SNX24: variants seen among roughly 807,000 people sequenced by gnomAD.
SNX24 encodes the protein sorting nexin 24.
In SNX24, 22 loss-of-function variants were observed where a neutral mutation model predicts 28.7. The observed-to-expected ratio is 0.77, with a 90% CI of 0.55 to 1.10. The LOEUF is 1.10. Among genes scored for constraint, SNX24 ranks in the 50% least tolerant of loss-of-function variants. The pLI, the probability that SNX24 is intolerant of heterozygous loss-of-function variation, is 0.00. For synonymous variants in SNX24, 69 were observed against 71.5 expected (o/e 0.96, Z 0.18); for missense variants, 221 against 201.1 (o/e 1.10, Z -0.60).
intron 1 of SNX24, among the ~76,000 whole-genome samples, chr5:122,925,022 C>G (rs1245591214): frequency 7.0e-6 from 1 of 142,152 alleles, no homozygotes; most frequent in African/African-American, 2.6e-5. Flanking sequence ...CCCTCCCCTT[C>G]TCCTTCTCTC....
At chr5:122,907,869 G>A (rs1757708357) in intron 1 of SNX24, among the ~76,000 whole-genome samples, 1 of 151,292 alleles carries the variant, frequency 6.6e-6, no homozygotes. Context: ...TAACTGGGCA[G>A]TTATAGCTCA....
chr5:122,855,481 C>T (rs1353554698), intron 1 of SNX24, among the ~76,000 whole-genome samples: 1 of 152,150 alleles, frequency 6.6e-6, no homozygotes, highest in Admixed American at 6.6e-5. Flanking sequence ...AGAAATTCTT[C>T]CAAAATTGGT....
downstream of SNX24, among the ~76,000 whole-genome samples, chr5:123,010,421 T>C (rs1048328838): frequency 6.6e-6 from 1 of 152,070 alleles, no homozygotes; most frequent in African/African-American, 2.4e-5. Context: ...CCTGGGCAGC[T>C]GGGATTACAG....
intron 3 of SNX24, among the ~76,000 whole-genome samples, chr5:122,978,187 G>A (rs1051207071): frequency 1.3e-5 from 2 of 152,034 alleles, no homozygotes; most frequent in Admixed American, 6.6e-5. Flanking sequence ...TGAATAACAC[G>A]AATTATATCT....
chr5:122,864,610 C>T (rs572025283), intron 1 of SNX24, among the ~76,000 whole-genome samples: 146 of 152,278 alleles, frequency 9.6e-4, no homozygotes, highest in Admixed American at 2.0e-3. Context: ...ATGTCAGAGA[C>T]GAAGTCATAG....
At chr5:122,862,276 T>C (rs917733868) in intron 1 of SNX24, among the ~76,000 whole-genome samples, 1 of 151,890 alleles carries the variant, frequency 6.6e-6, no homozygotes, top group African/African-American at 2.4e-5. Flanking sequence ...TTTTGTTTGG[T>C]TTTGTTAAGG....
chr5:122,936,901 A>AT, intron 2 of SNX24, 84 bp downstream of exon 2: 1 of 716,184 alleles, frequency 1.4e-6, no homozygotes, highest in East Asian at 2.7e-5. Flanking sequence ...TGGTTCTAAG[A>AT]CCATTGATAT....
intron 1 of SNX24, among the ~76,000 whole-genome samples, chr5:122,874,053 A>G (rs1756113458): frequency 6.6e-6 from 1 of 152,200 alleles, no homozygotes; most frequent in Non-Finnish European, 1.5e-5. Flanking sequence ...TATTGGCGTG[A>G]GCCACCATAC....
intron 5 of SNX24, among the ~76,000 whole-genome samples, chr5:123,020,521 T>C (rs1248356297): frequency 2.0e-5 from 3 of 152,226 alleles, no homozygotes; most frequent in Non-Finnish European, 1.5e-5. Flanking sequence ...GGATGTGTGT[T>C]TTATAACCAT....
At chr5:122,999,611 A>T (rs549639920) in intron 3 of SNX24, among the ~76,000 whole-genome samples, 2 of 152,304 alleles carry the variant, frequency 1.3e-5, no homozygotes, top group Non-Finnish European at 2.9e-5. Flanking sequence ...GAAGGCAAGA[A>T]CCATTTCTAC....
At chr5:122,969,716 T>C (rs1760872574) in intron 3 of SNX24, among the ~76,000 whole-genome samples, 1 of 152,220 alleles carries the variant, frequency 6.6e-6, no homozygotes, top group East Asian at 1.9e-4. Context: ...ACTCTGATCA[T>C]CTGTTTCTGT....
At chr5:122,927,788 A>G (rs1758767027) in intron 1 of SNX24, among the ~76,000 whole-genome samples, 1 of 152,154 alleles carries the variant, frequency 6.6e-6, no homozygotes, top group Admixed American at 6.5e-5. Flanking sequence ...GCCCAAATTT[A>G]TATCTCTAGT....
chr5:122,914,729 G>T (rs1372286884), intron 1 of SNX24, among the ~76,000 whole-genome samples: 2 of 151,570 alleles, frequency 1.3e-5, no homozygotes, highest in African/African-American at 4.9e-5. Flanking sequence ...ATTTCTGTGG[G>T]ATCGGTGGTG....
chr5:122,977,733 G>T (rs1389709653), intron 3 of SNX24, among the ~76,000 whole-genome samples: 3 of 152,132 alleles, frequency 2.0e-5, no homozygotes, highest in Admixed American at 2.0e-4. Flanking sequence ...AAATTGTTAA[G>T]AATATATAGT....
intron 1 of SNX24, among the ~76,000 whole-genome samples, chr5:122,908,396 C>T (rs191145417): frequency 3.3e-5 from 5 of 152,268 alleles, no homozygotes; most frequent in African/African-American, 1.2e-4. Context: ...CAGCTGACAT[C>T]TCCTTGGGGT....
intron 3 of SNX24, among the ~76,000 whole-genome samples, chr5:122,992,107 T>C (rs1403574920): frequency 6.6e-6 from 1 of 152,216 alleles, no homozygotes; most frequent in East Asian, 1.9e-4. Flanking sequence ...GCTGAAATGA[T>C]ACATAATTCG....
intron 1 of SNX24, among the ~76,000 whole-genome samples, chr5:122,854,739 T>TATA (rs1406679974): frequency 1.3e-5 from 2 of 152,170 alleles, no homozygotes; most frequent in East Asian, 3.9e-4. Context: ...AGATGTATCA[T>TATA]TCTCTTCTGT....
chr5:123,027,370 A>G (rs1267795090), intron 5 of SNX24, among the ~76,000 whole-genome samples: 1 of 152,148 alleles, frequency 6.6e-6, no homozygotes, highest in Non-Finnish European at 1.5e-5. Context: ...CAAGATGCAC[A>G]CTGGGCAGGG....
chr5:122,909,581 A>G, intron 1 of SNX24, among the ~76,000 whole-genome samples: 1 of 151,746 alleles, frequency 6.6e-6, no homozygotes, highest in Non-Finnish European at 1.5e-5. Context: ...CAGCTGCCTT[A>G]ACCTGGCCTG....
Sources: gnomAD v4.1 joint callset for allele counts (sites outside exome capture counted in the v4.1 genomes callset) on GRCh38, gnomAD v4.1.1 for gene constraint, MANE v1.5 for transcripts, NCBI Gene and HGNC (gene_info 2026-07-23, HGNC 2026-07-21) for gene names.